Variants in HGF observed in about 807,000 individuals in gnomAD.
The protein encoded by HGF is fibroblast-derived tumor cytotoxic factor.
In HGF, 39 loss-of-function variants were observed where a neutral mutation model predicts 111.6. The ratio of observed to expected loss-of-function variants is 0.35; its 90% CI spans 0.27 to 0.46. HGF has a LOEUF of 0.46. Among genes scored for constraint, HGF ranks in the 20% least tolerant of loss-of-function variants. The pLI, the probability that HGF is intolerant of heterozygous loss-of-function variation, is 1.00. For synonymous variants in HGF, 285 were observed against 294.8 expected (o/e 0.97, Z 0.34); for missense variants, 735 against 910.5 (o/e 0.81, Z 2.48).
chr7:81,753,840 A>G (rs1157123970), intron 4 of HGF, among the ~76,000 whole-genome samples: 1 of 152,024 alleles, frequency 6.6e-6, no homozygotes, highest in African/African-American at 2.4e-5. Context: ...ACTGACAAAA[A>G]TTATAATGCA....
chr7:81,751,550 A>C, intron 5 of HGF: 7 of 988,642 alleles, frequency 7.1e-6, no homozygotes, highest in Non-Finnish European at 7.2e-6. Context: ...TGATCTCTTC[A>C]GATCCTATTC....
chr7:81,729,609 A>C lies in HGF; in HGVS notation c.1036T>G (p.Cys346Gly). The C allele has an allele frequency of 6.2e-7, 1 of 1,612,000 alleles. No homozygotes were observed. Among genetic ancestry groups the C allele is most frequent in the Non-Finnish European group, 8.5e-7 (1 of 1,178,144 alleles). The change falls in exon 8 of 18, where the codon TGC becomes GGC. Residue 346 changes from cysteine to glycine, a missense_variant. Physicochemically the swap from Cys to Gly is radical, Grantham distance 159. Coordinates refer to ENST00000222390, the MANE Select transcript of HGF (RefSeq NM_000601.6). ...EHDMTPENFK[C>G]KDLRENYCRN... is the part of the protein sequence containing the mutation. Reference sequence around the variant, plus strand: ...ACATTTGCCTACTTTACTCACTTGCACTTGAAATTTTCAGGAGTCATGTCA... The same window carrying C: ...ACATTTGCCTACTTTACTCACTTGCCCTTGAAATTTTCAGGAGTCATGTCA...
At chr7:81,711,551 AT>A (rs1789570989) in intron 11 of HGF, 32 bp from the exon 12 acceptor site, 7 of 930,226 alleles carry the variant, frequency 7.5e-6, no homozygotes, top group Non-Finnish European at 1.2e-5. Flanking sequence ...TAAATACACA[AT>A]TCATATATGC....
intron 2 of HGF, among the ~76,000 whole-genome samples, chr7:81,759,038 CTT>C (rs1033889481): frequency 1.4e-4 from 22 of 152,120 alleles, no homozygotes; most frequent in Non-Finnish European, 1.9e-4. Flanking sequence ...ATTGAATACT[CTT>C]TGGAATATTC....
chr7:81,728,787 T>G (rs1360050713), intron 8 of HGF, among the ~76,000 whole-genome samples: 2 of 152,248 alleles, frequency 1.3e-5, no homozygotes, highest in Non-Finnish European at 2.9e-5. Context: ...TCAGAAATGT[T>G]AGGCTGTCTT....
rs887981926 is a variant in HGF at position 81,711,635 on chromosome 7, TTTG to T, written c.1406-119_1406-117del. The T allele has an allele frequency of 9.6e-6, 5 of 518,508 alleles. No homozygotes were observed. In the East Asian group the frequency reaches 1.0e-4, roughly 10 times the overall value. The allele number at this position is 518,508 out of a possible 1,614,324, so 32.1% of individuals were successfully genotyped here. Reference sequence around the variant, plus strand: ...ATGAATTCAGTAATTTACTAAAATTTTTGTTGTTGTTGTTTTGTTTTGTTTTGA... The same window carrying T: ...ATGAATTCAGTAATTTACTAAAATTTTTGTTGTTGTTTTGTTTTGTTTTGA... On this transcript the variant is annotated intron_variant, in intron 11 of 17. Coordinates refer to ENST00000222390, the MANE Select transcript of HGF (RefSeq NM_000601.6).
At chr7:81,724,430 C>A (rs890405903) in intron 9 of HGF, among the ~76,000 whole-genome samples, 1 of 152,102 alleles carries the variant, frequency 6.6e-6, no homozygotes, top group African/African-American at 2.4e-5. Context: ...GGGCTAACCA[C>A]GATCATGACC....
intron 7 of HGF, among the ~76,000 whole-genome samples, chr7:81,733,675 T>A (rs2115953363): frequency 6.6e-6 from 1 of 152,246 alleles, no homozygotes; most frequent in African/African-American, 2.4e-5. Context: ...CGAATAAAGA[T>A]ATATTAGTAC....
chr7:81,722,813 CAAAAAAA>C (rs552915726), intron 9 of HGF, among the ~76,000 whole-genome samples: 2 of 91,236 alleles, frequency 2.2e-5, no homozygotes, highest in African/African-American at 4.8e-5. Flanking sequence ...GATTCTGTCT[CAAAAAAA>C]AAAAAAAAAA....
chr7:81,730,676 T>G (rs2115935919), intron 7 of HGF, among the ~76,000 whole-genome samples: 1 of 151,860 alleles, frequency 6.6e-6, no homozygotes, highest in African/African-American at 2.4e-5. Context: ...CACAATTTGG[T>G]CTCTCTCTCT....
At chr7:81,747,324 G>A (rs1788307985) in intron 5 of HGF, among the ~76,000 whole-genome samples, 1 of 152,162 alleles carries the variant, frequency 6.6e-6, no homozygotes, top group Non-Finnish European at 1.5e-5. Flanking sequence ...GGGCGACAGA[G>A]CGAGACTCCG....
chr7:81,731,871 G>A (rs1787669016), intron 7 of HGF, among the ~76,000 whole-genome samples: 1 of 152,130 alleles, frequency 6.6e-6, no homozygotes, highest in Admixed American at 6.6e-5. Flanking sequence ...GGGGGCACAA[G>A]CTCTTGGGCA....
intron 1 of HGF, among the ~76,000 whole-genome samples, chr7:81,763,491 G>C (rs1274414827): frequency 6.6e-6 from 1 of 152,084 alleles, no homozygotes; most frequent in South Asian, 2.1e-4. Context: ...GCCAAATGCT[G>C]TAAATCAAAT....
intron 7 of HGF, among the ~76,000 whole-genome samples, chr7:81,738,250 T>G (rs2115983478): frequency 6.6e-6 from 1 of 152,180 alleles, no homozygotes; most frequent in Non-Finnish European, 1.5e-5. Flanking sequence ...ATACAATAAA[T>G]TTAACAAACA....
At chr7:81,749,767 A>G (rs1287637903) in intron 5 of HGF, among the ~76,000 whole-genome samples, 1 of 152,088 alleles carries the variant, frequency 6.6e-6, no homozygotes, top group African/African-American at 2.4e-5. Flanking sequence ...TTAAATTATA[A>G]GAAAATAATA....
At position 81,730,633 on chromosome 7, in the gene HGF, CT is replaced by C. The variant is rs1358069395; in HGVS notation, c.866-855del. On this transcript the variant is annotated intron_variant, in intron 7 of 17. Transcript: ENST00000222390. ...CATGAAGATTTGAAACCCTCAGTCA[CT>C]AAGTAATAAAAGTATAAAATTAAAT... Among the ~76,000 whole-genome samples, 14 of 59,552 alleles carry C rather than the reference CT, an allele frequency of 2.4e-4. No individual in the cohort carries two copies. The Admixed American group carries it at 3.1e-3, about 13-fold the overall frequency. 39.1% of individuals were successfully genotyped at this position (59,552 alleles called of 152,430 possible).
intron 10 of HGF, among the ~76,000 whole-genome samples, chr7:81,720,187 C>T (rs1224355879): frequency 6.6e-6 from 1 of 152,072 alleles, no homozygotes; most frequent in Admixed American, 6.6e-5. Context: ...CATATACATT[C>T]CTGTAATTAC....
In HGF at chr7:81,763,566, AG is replaced by A. The variant is rs1465549761; in HGVS notation, c.89-695del. ...TTCTTCATGAAAATACAAGGCGCCT[AG>A]ATAGCATGAAGCCTTCTACTGAAAA... On this transcript the variant is annotated intron_variant, in intron 1 of 17. Coordinates refer to ENST00000222390, the MANE Select transcript of HGF (RefSeq NM_000601.6). Among the ~76,000 whole-genome samples, 4 of 152,308 alleles carry A rather than the reference AG, an allele frequency of 2.6e-5. No homozygotes were observed. In the East Asian group the frequency reaches 7.7e-4, roughly 29 times the overall value.
At chr7:81,744,484 A>G (rs1174174274) in intron 6 of HGF, among the ~76,000 whole-genome samples, 1 of 152,108 alleles carries the variant, frequency 6.6e-6, no homozygotes. Context: ...TATGACCACT[A>G]CTTATGTCAT....
Sources: allele counts gnomAD v4.1 joint callset (sites outside exome capture counted in the v4.1 genomes callset), GRCh38; gene constraint gnomAD v4.1.1; transcripts MANE v1.5; gene names NCBI Gene and HGNC (gene_info 2026-07-23, HGNC 2026-07-21).